PRR3: variants seen among roughly 807,000 people sequenced by gnomAD.
PRR3 encodes proline rich 3, also known as proline-rich protein 3.
Under a neutral mutation model 22.4 loss-of-function variants are expected in PRR3, and 16 were observed. The ratio of observed to expected loss-of-function variants is 0.71; its 90% CI spans 0.48 to 1.09. The LOEUF (loss-of-function observed/expected upper bound fraction) is 1.09, where lower values mean the gene tolerates loss of function less well. Ranked by LOEUF, PRR3 falls within the 50% of genes least tolerant of loss-of-function variation. The pLI is 0.00. For missense variants in PRR3, 224 were observed against 243.4 expected (o/e 0.92, Z 0.53); for synonymous variants, 87 against 88.6 (o/e 0.98, Z 0.10).
In PRR3 at chr6:30,558,139, T is replaced by A; in HGVS notation, c.107-11T>A. The A allele has an allele frequency of 6.2e-7, 1 of 1,610,956 alleles. No homozygotes were observed. Among genetic ancestry groups the A allele is most frequent in the Non-Finnish European group, 8.5e-7 (1 of 1,178,082 alleles). ...CCATTCTGATGACCATATTTTCATG[T>A]CTGCTCTTAGGACCACCCAGCCTTC... is the stretch of plus-strand genomic sequence containing the variant. On this transcript the variant is annotated splice_polypyrimidine_tract_variant and intron_variant, in intron 1 of 3. Coordinates refer to ENST00000376560, the MANE Select transcript of PRR3 (RefSeq NM_025263.4).
upstream of PRR3, chr6:30,556,961 C>T (rs1800260817): frequency 1.6e-6 from 1 of 633,224 alleles, no homozygotes; most frequent in Non-Finnish European, 2.8e-6. The surrounding 1 kb of genome is among the most constrained non-coding windows in gnomAD (Gnocchi z 5.7). Context: ...ACCATAGTAA[C>T]CGAGGACCGG....
At chr6:30,560,552 A>T (rs1488241282) in intron 2 of PRR3, 1 of 152,162 alleles carries the variant, frequency 6.6e-6, no homozygotes, top group Non-Finnish European at 1.5e-5. Flanking sequence ...TGGGAGGCCA[A>T]GTCGGGCGGA....
chr6:30,558,156 C>A lies in PRR3; in HGVS notation c.113C>A (p.Pro38His). The change falls in exon 2 of 4, where the codon CCC becomes CAC. Residue 38 changes from proline (P) to histidine (H), a missense_variant. Transcript: ENST00000376560. Reference protein sequence around the residue: ...DEEDGSPIGPPSLLGPPPMAN... With the variant: ...DEEDGSPIGPHSLLGPPPMAN... ...TTTTCATGTCTGCTCTTAGGACCACCCAGCCTTCTGGGCCCTCCCCCCATG... is the reference window on the plus strand; with the variant it reads ...TTTTCATGTCTGCTCTTAGGACCACACAGCCTTCTGGGCCCTCCCCCCATG... The A allele has an allele frequency of 6.2e-7, 1 of 1,612,912 alleles. No individual in the cohort carries two copies. The highest frequency in any genetic ancestry group is 8.5e-7 in the Non-Finnish European group (1 of 1,179,898).
At position 30,562,072 on chromosome 6, in the gene PRR3, G is replaced by C. The variant is rs1049488156; in HGVS notation, c.408G>C (p.Trp136Cys). ...GAAACCCTCGAAGGCTCAAAAGCTG[G>C]TCTCTTATCAAGAATACCTGCCCGC... ...EQRNPRRLKS[W>C]SLIKNTCPPK... Residue 136 changes from tryptophan to cysteine, a missense_variant, in exon 3 of 4, where the codon TGG becomes TGC. Trp to Cys is a radical substitution (Grantham distance 215). Coordinates refer to ENST00000376560, the MANE Select transcript of PRR3 (RefSeq NM_025263.4). 31 of 1,611,190 alleles carry C rather than the reference G, an allele frequency of 1.9e-5. No homozygotes were observed. Among genetic ancestry groups the C allele is most frequent in the Non-Finnish European group, 2.6e-5 (31 of 1,179,238 alleles).
At chr6:30,558,510 T>G in intron 2 of PRR3, 1 of 414,142 alleles carries the variant, frequency 2.4e-6, no homozygotes, top group Non-Finnish European at 4.5e-6. Flanking sequence ...AATCTTGAAG[T>G]GGGAGGGCTT....
In PRR3 at chr6:30,558,137, T is replaced by C; in HGVS notation, c.107-13T>C. ...ATCCATTCTGATGACCATATTTTCATGTCTGCTCTTAGGACCACCCAGCCT... is the reference window on the plus strand; with the variant it reads ...ATCCATTCTGATGACCATATTTTCACGTCTGCTCTTAGGACCACCCAGCCT... On this transcript the variant is annotated splice_polypyrimidine_tract_variant and intron_variant, in intron 1 of 3. Transcript: ENST00000376560. 1 of 1,609,524 alleles carries C rather than the reference T, an allele frequency of 6.2e-7. No homozygotes were observed. Among genetic ancestry groups the C allele is most frequent in the Non-Finnish European group, 8.5e-7 (1 of 1,176,798 alleles).
rs774154763 is a variant in PRR3 at position 30,561,917 on chromosome 6, C to T, written c.253C>T (p.Pro85Ser). 33 of 1,612,542 alleles carry T rather than the reference C, an allele frequency of 2.0e-5. No individual in the cohort carries two copies. In the Admixed American group the frequency reaches 3.3e-4, roughly 16 times the overall value. ...SLPPPPWGRG[P>S]IRRGLGPRSS... is the part of the protein sequence containing the mutation. The stretch of plus-strand genomic sequence containing the variant: ...CCCACCTCCTCCTTGGGGTAGAGGC[C>T]CAATTCGGAGAGGGCTTGGCCCCAG... Residue 85 changes from proline to serine, a missense_variant, in exon 3 of 4, where the codon CCA becomes TCA. Physicochemically the swap from Pro to Ser is moderately conservative, Grantham distance 74. Transcript: ENST00000376560. The surrounding 1 kb of genome is among the most constrained non-coding windows in gnomAD (Gnocchi z 4.0).
In PRR3 at chr6:30,562,396, C is replaced by T. The variant is rs376851093; in HGVS notation, c.468C>T (p.Ser156=). ...ATTTTCACTTGTTCACAGACAAATC[C>T]GACCGCCCTGTCTGCCGACATTTTG... The part of the protein sequence containing the change: ...KDDPQVMEDK[S]DRPVCRHFAK... The change falls in exon 4 of 4, where the codon TCC becomes TCT. Residue 156 remains serine (S), a synonymous_variant. Transcript: ENST00000376560. The T allele has an allele frequency of 9.3e-6, 15 of 1,612,828 alleles. No homozygotes were observed. The highest frequency in any genetic ancestry group is 4.0e-5 in the African/African-American group (3 of 74,856).
upstream of PRR3, chr6:30,556,858 C>T: frequency 1.7e-6 from 1 of 581,788 alleles, no homozygotes; most frequent in African/African-American, 1.9e-5. This position sits in a 1 kb window ranked among gnomAD's most constrained non-coding sequence, Gnocchi z 5.7. Context: ...GTTTACAGAT[C>T]ATAAGTGCAA....
chr6:30,557,498 G>C (rs771292584), intron 1 of PRR3, 48 bp downstream of exon 1: 1 of 1,381,246 alleles, frequency 7.2e-7, no homozygotes, highest in Non-Finnish European at 1.0e-6. Flanking sequence ...GCCCGTCCGG[G>C]CAAGGGGCTA....
Position 30,561,313 on chromosome 6 carries a change from C to G in PRR3, c.170-521C>G, listed in dbSNP as rs1427506751. On this transcript the variant is annotated intron_variant, in intron 2 of 3. Coordinates refer to ENST00000376560, the MANE Select transcript of PRR3 (RefSeq NM_025263.4). This position sits in a 1 kb window ranked among gnomAD's most constrained non-coding sequence, Gnocchi z 4.0. ...ACATGTATAAAAATGTTTATAGTGGCATTTCTCGTTATAGCCCCAAACTGG... is the reference window on the plus strand; with the variant it reads ...ACATGTATAAAAATGTTTATAGTGGGATTTCTCGTTATAGCCCCAAACTGG... 2.2e-6 allele frequency: 1 copy of G among 454,902 alleles called. No individual in the cohort carries two copies. The highest frequency in any genetic ancestry group is 2.0e-5 in the African/African-American group (1 of 49,980). The allele number at this position is 454,902 out of a possible 1,614,324, so 28.2% of individuals were successfully genotyped here.
rs936517969 is a variant in PRR3, at chr6:30,562,682, G to A, written c.*187G>A. On this transcript the variant is annotated 3_prime_UTR_variant, in exon 4 of 4. Coordinates refer to ENST00000376560, the MANE Select transcript of PRR3 (RefSeq NM_025263.4). ...GTTGCATCACTGGTGCGCGGCATAC[G>A]CGCTTTCTTCTGATCCAGCCTGTAG... The A allele has an allele frequency of 1.3e-5, 7 of 533,578 alleles. No homozygotes were observed. The highest frequency in any genetic ancestry group is 2.7e-5 in the South Asian group (1 of 36,586). 33.1% of individuals were successfully genotyped at this position (533,578 alleles called of 1,614,324 possible).
chr6:30,561,720 G>A lies in PRR3; in HGVS notation c.170-114G>A. The A allele has an allele frequency of 1.1e-6, 1 of 909,522 alleles. No individual in the cohort carries two copies. Among genetic ancestry groups the A allele is most frequent in the South Asian group, 1.8e-5 (1 of 55,246 alleles). 56.3% of individuals were successfully genotyped at this position (909,522 alleles called of 1,614,324 possible). On this transcript the variant is annotated intron_variant, in intron 2 of 3. Coordinates refer to ENST00000376560, the MANE Select transcript of PRR3 (RefSeq NM_025263.4). This position sits in a 1 kb window ranked among gnomAD's most constrained non-coding sequence, Gnocchi z 4.0. ...GAACTGGGTTGTGCACTTAAAACTG[G>A]TGTGTCTTTATGTATGCTGTTCTTC...
In PRR3 at chr6:30,557,435, G is replaced by A; in HGVS notation, c.91G>A (p.Asp31Asn). ...GCGGGAAGAGACTGGAGATGAGGAGGATGGGAGTCCCATCGGTGAGGGGTC... is the reference window on the plus strand; with the variant it reads ...GCGGGAAGAGACTGGAGATGAGGAGAATGGGAGTCCCATCGGTGAGGGGTC... ...PEREETGDEE[D>N]GSPIGPPSLL... Residue 31 changes from aspartate to asparagine, a missense_variant, in exon 1 of 4, where the codon GAT becomes AAT. Coordinates refer to ENST00000376560, the MANE Select transcript of PRR3 (RefSeq NM_025263.4). 6.2e-7 allele frequency: 1 copy of A among 1,610,820 alleles called. No homozygotes were observed. Among genetic ancestry groups the A allele is most frequent in the Non-Finnish European group, 8.5e-7 (1 of 1,178,876 alleles).
At chr6:30,556,930 G>A, upstream of PRR3, 1 of 614,212 alleles carries the variant, frequency 1.6e-6, no homozygotes, top group Non-Finnish European at 2.9e-6. This position sits in a 1 kb window ranked among gnomAD's most constrained non-coding sequence, Gnocchi z 5.7. Context: ...CAAAGGGCAC[G>A]AAGTTGTGCC....
At chr6:30,556,994 C>T (rs985883475), upstream of PRR3, 12 of 661,556 alleles carry the variant, frequency 1.8e-5, no homozygotes, top group Non-Finnish European at 3.3e-5. The surrounding 1 kb of genome is among the most constrained non-coding windows in gnomAD (Gnocchi z 5.7). Context: ...TACGGTGCGA[C>T]AGTCCTCTTC....
In PRR3 at chr6:30,562,903, G is replaced by C. The variant is rs1488131460; in HGVS notation, c.*408G>C. ...TACCATTCCCTTCTTTTAGCTGCTT[G>C]TTTTAAGTCCTTTTTATGTGACATT... On this transcript the variant is annotated 3_prime_UTR_variant, in exon 4 of 4. Transcript: ENST00000376560. 2 of 160,780 alleles carry C rather than the reference G, an allele frequency of 1.2e-5. No individual in the cohort carries two copies. Among genetic ancestry groups the C allele is most frequent in the African/African-American group, 4.8e-5 (2 of 41,716 alleles). The allele number at this position is 160,780 out of a possible 1,614,324, so 10.0% of individuals were successfully genotyped here. A position where few individuals can be genotyped will look rare whatever the true frequency, so the allele number is the denominator to read the frequency against.
Position 30,557,428 on chromosome 6 carries a change from TGAG to T in PRR3, c.90_92del (p.Glu30del), listed in dbSNP as rs751678157. The T allele has an allele frequency of 2.5e-6, 4 of 1,610,948 alleles. No individual in the cohort carries two copies. The East Asian group carries it at 6.7e-5, about 27-fold the overall frequency. ...TGCCCGAGCGGGAAGAGACTGGAGA[TGAG>T]GAGGATGGGAGTCCCATCGGTGAGG... On this transcript the variant is annotated inframe_deletion, in exon 1 of 4. Coordinates refer to ENST00000376560, the MANE Select transcript of PRR3 (RefSeq NM_025263.4).
intron 1 of PRR3, among the ~76,000 whole-genome samples, chr6:30,557,910 A>T (rs550236822): frequency 3.9e-5 from 6 of 152,220 alleles, no homozygotes; most frequent in African/African-American, 1.4e-4. Context: ...GAAGAAAAAA[A>T]GTTGTCAGTA....
Sources: allele counts gnomAD v4.1 joint callset (sites outside exome capture counted in the v4.1 genomes callset), GRCh38; gene constraint gnomAD v4.1.1; non-coding constraint Gnocchi (gnomAD v3.1); transcripts MANE v1.5; gene names NCBI Gene and HGNC (gene_info 2026-07-23, HGNC 2026-07-21).